Variants in CLDN16 observed in about 807,000 individuals in gnomAD.
CLDN16 encodes claudin-16.
Under a neutral mutation model 24.6 loss-of-function variants are expected in CLDN16, and 13 were observed. The observed-to-expected ratio is 0.53, with a 90% CI of 0.34 to 0.84. The LOEUF (loss-of-function observed/expected upper bound fraction) is 0.84, where lower values mean the gene tolerates loss of function less well. CLDN16 is among the 40% of genes least tolerant of loss of function. The probability of loss-of-function intolerance (pLI) is 0.01; values close to 1 mark genes in which losing one functional copy is unlikely to be tolerated. For synonymous variants in CLDN16, 116 were observed against 106.7 expected (o/e 1.09, Z -0.54); for missense variants, 298 against 292.7 (o/e 1.02, Z -0.13).
intron 1 of CLDN16, among the ~76,000 whole-genome samples, chr3:190,341,957 G>A (rs1486119987): frequency 6.6e-6 from 1 of 152,136 alleles, no homozygotes; most frequent in East Asian, 1.9e-4. Context: ...CTTTGCTCCA[G>A]TTCCCCAAAA....
At position 190,409,946 on chromosome 3, in the gene CLDN16, C is replaced by G; in HGVS notation, c.618C>G (p.Ala206=). ...ACTATCCTTATTCCTTGAGGAAAGC[C>G]TATTCAGCCGCGGGTGTTTCCATGG... ...ERNYPYSLRK[A]YSAAGVSMAK... The change falls in exon 5 of 5, where the codon GCC becomes GCG. Residue 206 remains alanine (A), a synonymous_variant. Transcript: ENST00000264734. 6.2e-7 allele frequency: 1 copy of G among 1,614,012 alleles called. No homozygotes were observed. The highest frequency in any genetic ancestry group is 1.1e-5 in the South Asian group (1 of 91,086).
In CLDN16 at chr3:190,368,061, G is replaced by A. The variant is rs150183416; in HGVS notation, n.122-2832G>A. ...GTGGCATACCTGGCTGTGGCAGGCA[G>A]CCTTTAAGATAGCCCTCAATGATGT... On this transcript the variant is annotated intron_variant and non_coding_transcript_variant, in intron 1 of 4. Transcript: ENST00000468220. Among the ~76,000 whole-genome samples the A allele has an allele frequency of 1.4e-3, 214 of 152,036 alleles. 2 individuals are homozygous for A. The highest frequency in any genetic ancestry group is 4.9e-3 in the African/African-American group (203 of 41,540).
intron 1 of CLDN16, among the ~76,000 whole-genome samples, chr3:190,368,842 G>C (rs115081300): frequency 5.5e-4 from 83 of 151,972 alleles, no homozygotes; most frequent in African/African-American, 2.0e-3. Context: ...CCTTTTCTAA[G>C]CTAGCCAAAC....
upstream of CLDN16, chr3:190,322,044 C>G (rs1381480263): frequency 2.5e-6 from 4 of 1,614,070 alleles, no homozygotes; most frequent in South Asian, 4.4e-5. Flanking sequence ...CTCTGCGACA[C>G]GCAGGACATC....
chr3:190,361,185 C>T (rs548572241), intron 1 of CLDN16, among the ~76,000 whole-genome samples: 1 of 152,000 alleles, frequency 6.6e-6, no homozygotes, highest in African/African-American at 2.4e-5. Flanking sequence ...CCACTATGTG[C>T]TAGTCACTCA....
chr3:190,306,701 C>T, the CLDN16 span: 1 of 152,650 alleles, frequency 6.6e-6, no homozygotes, highest in Non-Finnish European at 1.5e-5. Context: ...TCATCTTGCT[C>T]AAGTGAAATA....
chr3:190,374,268 A>AG (rs1718201086), intron 2 of CLDN16, among the ~76,000 whole-genome samples: 1 of 83,790 alleles, frequency 1.2e-5, no homozygotes, highest in Non-Finnish European at 2.5e-5. Flanking sequence ...CCTGAAAAAC[A>AG]TTGTGTGTGT....
At chr3:190,317,200 T>C in the CLDN16 span, among the ~76,000 whole-genome samples, 1 of 152,140 alleles carries the variant, frequency 6.6e-6, no homozygotes, top group Non-Finnish European at 1.5e-5. Context: ...CCTCTTAAAT[T>C]TGCAGCTAAA....
At chr3:190,362,990 A>G (rs1344186078) in intron 1 of CLDN16, among the ~76,000 whole-genome samples, 1 of 151,950 alleles carries the variant, frequency 6.6e-6, no homozygotes, top group Non-Finnish European at 1.5e-5. Context: ...GCATATGTGC[A>G]TTTTTTAAAA....
chr3:190,297,412 T>G, the CLDN16 span, among the ~76,000 whole-genome samples: 1 of 148,240 alleles, frequency 6.7e-6, no homozygotes, highest in African/African-American at 2.5e-5. Context: ...GGCTTTCATT[T>G]TACATATATA....
intron 1 of CLDN16, among the ~76,000 whole-genome samples, chr3:190,398,148 G>T (rs1396088129): frequency 3.3e-5 from 5 of 152,196 alleles, no homozygotes; most frequent in African/African-American, 1.2e-4. Flanking sequence ...AGTCAGCTTT[G>T]AGAAGATCTG....
At chr3:190,300,148 G>T in the CLDN16 span, among the ~76,000 whole-genome samples, 1 of 152,202 alleles carries the variant, frequency 6.6e-6, no homozygotes. Context: ...TCCACGGAGT[G>T]GGAGTTGAGG....
chr3:190,348,322 C>T (rs190962332), intron 1 of CLDN16, among the ~76,000 whole-genome samples: 309 of 111,440 alleles, frequency 2.8e-3, no homozygotes, highest in African/African-American at 0.01. Flanking sequence ...TCAAGGAAGA[C>T]AGCAAGACTG....
At chr3:190,362,444 C>G (rs779038100) in intron 1 of CLDN16, among the ~76,000 whole-genome samples, 1 of 151,892 alleles carries the variant, frequency 6.6e-6, no homozygotes, top group East Asian at 1.9e-4. Context: ...CAGCACTCCC[C>G]ACTTCCTGAG....
chr3:190,385,142 C>T (rs374651705), upstream of CLDN16, among the ~76,000 whole-genome samples: 6 of 152,182 alleles, frequency 3.9e-5, no homozygotes, highest in East Asian at 1.2e-3. Context: ...AGTCAGAGTA[C>T]ACTGTTCATA....
At chr3:190,350,429 GT>G (rs938277498) in intron 1 of CLDN16, among the ~76,000 whole-genome samples, 1 of 151,234 alleles carries the variant, frequency 6.6e-6, no homozygotes, top group African/African-American at 2.4e-5. Flanking sequence ...AAATGACAAT[GT>G]TAAAAAGAGT....
chr3:190,305,818 TAAAAAGATCAAAATTGGA>T, the CLDN16 span: 6 of 152,222 alleles, frequency 3.9e-5, no homozygotes, highest in Non-Finnish European at 7.3e-5. Context: ...TAGAAGAATA[TAAAAAGATCAAAATTGGA>T]TAAATTCTAT....
intron 1 of CLDN16, among the ~76,000 whole-genome samples, chr3:190,337,734 T>A (rs1362914570): frequency 6.6e-6 from 1 of 152,342 alleles, no homozygotes; most frequent in South Asian, 2.1e-4. Flanking sequence ...TCCTAGGATG[T>A]GTTTGCCTTT....
At chr3:190,316,657 G>T in the CLDN16 span, among the ~76,000 whole-genome samples, 486 of 152,290 alleles carry the variant, frequency 3.2e-3, 1 homozygote, top group African/African-American at 0.011. Context: ...ACTCCTGGAT[G>T]ATTTGAGTCA....
Sources: gnomAD v4.1 joint callset for allele counts (sites outside exome capture counted in the v4.1 genomes callset) on GRCh38, gnomAD v4.1.1 for gene constraint, MANE v1.5 for transcripts, NCBI Gene and HGNC (gene_info 2026-07-23, HGNC 2026-07-21) for gene names.